TPH2: variants seen among roughly 807,000 people sequenced by gnomAD.
TPH2 encodes the protein tryptophan 5-hydroxylase 2.
Under a neutral mutation model 59.1 loss-of-function variants are expected in TPH2, and 27 were observed. The ratio of observed to expected loss-of-function variants is 0.46; its 90% confidence interval spans 0.34 to 0.63. The LOEUF is 0.63. Ranked by LOEUF, TPH2 falls within the 30% of genes least tolerant of loss-of-function variation. The pLI, the probability that TPH2 is intolerant of heterozygous loss-of-function variation, is 0.01. For missense variants in TPH2, 523 were observed against 588.3 expected, an observed-to-expected ratio of 0.89 and a Z score of 1.15; for synonymous variants, 220 against 210.5, an observed-to-expected ratio of 1.05 and a Z score of -0.39.
At chr12:72,027,847 G>A (rs11179066) in intron 9 of TPH2, among the ~76,000 whole-genome samples, 22,538 of 152,140 alleles carry the variant, frequency 0.15, 3,221 homozygotes, top group African/African-American at 0.36. Flanking sequence ...TAAAGGTGGT[G>A]TGAGTGCTGT....
chr12:72,024,330 G>A (rs1873510147), intron 9 of TPH2, among the ~76,000 whole-genome samples: 3 of 152,224 alleles, frequency 2.0e-5, no homozygotes, highest in African/African-American at 7.2e-5. Flanking sequence ...GGACCCTCAA[G>A]ATTCTAGCTG....
chr12:71,978,130 A>G (rs995584713), intron 6 of TPH2, among the ~76,000 whole-genome samples: 1 of 152,170 alleles, frequency 6.6e-6, no homozygotes, highest in Admixed American at 6.5e-5. Flanking sequence ...ACACAACAAA[A>G]TCACCTAACA....
chr12:72,023,715 G>A (rs768577399), intron 9 of TPH2, among the ~76,000 whole-genome samples: 1 of 151,386 alleles, frequency 6.6e-6, no homozygotes, highest in African/African-American at 2.4e-5. Flanking sequence ...TGTAATCCCA[G>A]CTACTTGGGA....
intron 7 of TPH2, among the ~76,000 whole-genome samples, chr12:71,981,630 G>A (rs1277331240): frequency 6.6e-6 from 1 of 152,122 alleles, no homozygotes. Flanking sequence ...GGCCCCTAAG[G>A]TAGGGCTAAG....
chr12:71,959,728 A>C (rs1871624332), intron 5 of TPH2, among the ~76,000 whole-genome samples: 1 of 152,208 alleles, frequency 6.6e-6, no homozygotes, highest in African/African-American at 2.4e-5. Context: ...AATTGGAAGC[A>C]TAACAAGTAG....
intron 8 of TPH2, among the ~76,000 whole-genome samples, chr12:72,005,580 C>T (rs550249673): frequency 1.3e-5 from 2 of 152,202 alleles, no homozygotes; most frequent in African/African-American, 4.8e-5. Flanking sequence ...AAAGGAGCAT[C>T]GAGGTTTGCA....
intron 7 of TPH2, among the ~76,000 whole-genome samples, chr12:71,983,681 A>C (rs565688822): frequency 4.7e-4 from 71 of 152,224 alleles, no homozygotes; most frequent in African/African-American, 1.7e-3. Context: ...TCAGGAAAGC[A>C]GTCCTCCTTC....
intron 5 of TPH2, among the ~76,000 whole-genome samples, chr12:71,970,497 A>G (rs1871943027): frequency 6.6e-6 from 1 of 152,324 alleles, no homozygotes; most frequent in South Asian, 2.1e-4. Flanking sequence ...GAAAATTTTG[A>G]CCTAACGATT....
At chr12:71,942,532 G>T (rs577950230) in intron 2 of TPH2, among the ~76,000 whole-genome samples, 9 of 152,308 alleles carry the variant, frequency 5.9e-5, no homozygotes, top group African/African-American at 2.2e-4. Context: ...AAAGATAGCT[G>T]CAATTGCAGT....
At chr12:72,003,759 C>T (rs1042540477) in intron 8 of TPH2, among the ~76,000 whole-genome samples, 1 of 152,192 alleles carries the variant, frequency 6.6e-6, no homozygotes, top group Non-Finnish European at 1.5e-5. Flanking sequence ...AATTGGAAAA[C>T]AAACAGGAGC....
intron 5 of TPH2, among the ~76,000 whole-genome samples, chr12:71,951,325 G>A (rs193017664): frequency 8.7e-4 from 132 of 152,256 alleles, no homozygotes; most frequent in Middle Eastern, 3.4e-3. Context: ...GGTCATGACT[G>A]TAAAGGTGGA....
At chr12:71,939,756 G>C (rs1024007473) in intron 1 of TPH2, among the ~76,000 whole-genome samples, 1 of 152,158 alleles carries the variant, frequency 6.6e-6, no homozygotes, top group Admixed American at 6.5e-5. Context: ...TAAAAAAGCA[G>C]TATTTGCAGG....
intron 7 of TPH2, among the ~76,000 whole-genome samples, chr12:71,980,025 C>T (rs75159906): frequency 0.012 from 1,865 of 152,188 alleles, 11 homozygotes; most frequent in Non-Finnish European, 0.016. Flanking sequence ...CTAATAAGTG[C>T]TGTGAAGACA....
chr12:71,985,547 C>T (rs900333172), intron 7 of TPH2, among the ~76,000 whole-genome samples: 4 of 151,928 alleles, frequency 2.6e-5, no homozygotes, highest in African/African-American at 4.8e-5. Flanking sequence ...TACAGGGGCC[C>T]GCCACTATGT....
At chr12:71,956,489 CTCCTTCTT>C (rs1376344175) in intron 5 of TPH2, among the ~76,000 whole-genome samples, 1 of 6,282 alleles carries the variant, frequency 1.6e-4, no homozygotes, top group Middle Eastern at 0.062. Context: ...CCCTCCTTCC[CTCCTTCTT>C]TCCCTCCCTC....
At chr12:72,014,503 G>A (rs1349353286) in intron 8 of TPH2, among the ~76,000 whole-genome samples, 4 of 150,198 alleles carry the variant, frequency 2.7e-5, no homozygotes, top group African/African-American at 9.8e-5. Flanking sequence ...TGATTCTCCT[G>A]CCTCAGCCTC....
At chr12:72,027,334 A>G (rs1401093361) in intron 9 of TPH2, among the ~76,000 whole-genome samples, 1 of 152,194 alleles carries the variant, frequency 6.6e-6, no homozygotes, top group African/African-American at 2.4e-5. Context: ...TACACAAAGC[A>G]TCATCTCTGG....
intron 3 of TPH2, 31 bp downstream of exon 3, chr12:71,944,508 TTGCAATC>T (rs1566111887): frequency 6.2e-7 from 1 of 1,613,828 alleles, no homozygotes. Context: ...TCGGGTAACT[TTGCAATC>T]TGACAAATAT....
chr12:71,960,890 C>A (rs1592387934), intron 5 of TPH2, among the ~76,000 whole-genome samples: 1 of 152,286 alleles, frequency 6.6e-6, no homozygotes, highest in South Asian at 2.1e-4. Flanking sequence ...CATCTCCAGA[C>A]CTGTTTCCAA....
Sources: allele counts gnomAD v4.1 joint callset (sites outside exome capture counted in the v4.1 genomes callset), GRCh38; gene constraint gnomAD v4.1.1; transcripts MANE v1.5; gene names NCBI Gene and HGNC (gene_info 2026-07-23, HGNC 2026-07-21).